The following XRRA1 variants were observed in gnomAD, a reference collection of about 807,000 sequenced individuals.
XRRA1 encodes X-ray radiation resistance associated 1, also known as X-ray radiation resistance-associated protein 1.
In XRRA1, 69 loss-of-function variants were observed where a neutral mutation model predicts 80.2. That is an observed-to-expected ratio of 0.86 (90% CI 0.71 to 1.05). XRRA1 has a LOEUF of 1.05. Ranked by LOEUF, XRRA1 falls within the 50% of genes least tolerant of loss-of-function variation. The pLI, the probability that XRRA1 is intolerant of heterozygous loss-of-function variation, is 0.00. For synonymous variants in XRRA1, 348 were observed against 389.9 expected (o/e 0.89, Z 1.27); for missense variants, 967 against 976.4 (o/e 0.99, Z 0.13).
Position 74,939,368 on chromosome 11 carries a change from G to T in XRRA1, c.94+1417C>A, listed in dbSNP as rs564049062. Among the ~76,000 whole-genome samples, 14 of 152,112 alleles carry T rather than the reference G, an allele frequency of 9.2e-5. No homozygotes were observed. In the South Asian group the frequency reaches 2.9e-3, roughly 32 times the overall value. ...CTCCATCTCAAAAAAAGAAAAGAAA[G>T]AGCTATTTTGTTTCCCCCCACATAT... On this transcript the variant is annotated intron_variant, in intron 3 of 18. Transcript: ENST00000684022.
intron 8 of XRRA1, among the ~76,000 whole-genome samples, chr11:74,920,806 G>C (rs1033420546): frequency 7.9e-5 from 12 of 152,200 alleles, no homozygotes; most frequent in African/African-American, 2.9e-4. Flanking sequence ...CTGGCACATT[G>C]TAAGTACTAC....
chr11:74,859,967 T>A (rs887725228), intron 11 of XRRA1, among the ~76,000 whole-genome samples: 7 of 152,090 alleles, frequency 4.6e-5, no homozygotes, highest in African/African-American at 1.7e-4. Flanking sequence ...TATACATAAC[T>A]CAGTACACTC....
intron 10 of XRRA1, among the ~76,000 whole-genome samples, chr11:74,882,745 G>A (rs2136806020): frequency 6.6e-6 from 1 of 151,890 alleles, no homozygotes; most frequent in East Asian, 1.9e-4. Flanking sequence ...ACCCTCAGCT[G>A]CAGGTCTGTT....
intron 10 of XRRA1, among the ~76,000 whole-genome samples, chr11:74,889,175 A>C (rs2049954595): frequency 6.6e-6 from 1 of 152,198 alleles, no homozygotes; most frequent in South Asian, 2.1e-4. Flanking sequence ...TTACCCTCAA[A>C]GGGAAGCCCA....
chr11:74,910,051 A>G (rs1298679969), intron 8 of XRRA1: 1 of 152,244 alleles, frequency 6.6e-6, no homozygotes, highest in East Asian at 1.9e-4. Flanking sequence ...TTTACACTGT[A>G]AGACTTTCGA....
chr11:74,906,143 A>G (rs2054532644), intron 10 of XRRA1, 96 bp downstream of exon 10: 1 of 1,158,896 alleles, frequency 8.6e-7, no homozygotes, highest in African/African-American at 1.5e-5. Context: ...TCAATTCGTG[A>G]TATTCACCAT....
At position 74,925,364 on chromosome 11, in the gene XRRA1, TG is replaced by T. The variant is rs547562851; in HGVS notation, c.522+2026del. ...TTATTCTACTCTGGGCTTTTCCTCC[TG>T]GGGCAGCCTTTTTGGCAAACAAGAA... On this transcript the variant is annotated intron_variant, in intron 7 of 18. Coordinates refer to ENST00000684022, the MANE Select transcript of XRRA1 (RefSeq NM_001378157.1). 3.6e-3 allele frequency among the ~76,000 whole-genome samples: 554 copies of T among 151,868 alleles called. 1 individual carries two copies. The highest frequency in any genetic ancestry group is 6.6e-3 in the Non-Finnish European group (446 of 68,022).
chr11:74,843,948 G>A lies in XRRA1; in HGVS notation c.2055C>T (p.Ile685=). 6.2e-7 allele frequency: 1 copy of A among 1,613,530 alleles called. No homozygotes were observed. The highest frequency in any genetic ancestry group is 8.5e-7 in the Non-Finnish European group (1 of 1,179,672). The change falls in exon 18 of 19, where the codon ATC becomes ATT. Residue 685 remains isoleucine, a synonymous_variant. Coordinates refer to ENST00000684022, the MANE Select transcript of XRRA1 (RefSeq NM_001378157.1). ...YVHKEKRAQR[I]PIPPPKKTRA... is the part of the protein sequence containing the mutation. ...TAGTCTTCTTTGGGGGTGGAATCGG[G>A]ATTCTCTGGGCCTGGCAGAAGGTCA...
At chr11:74,886,419 C>T (rs2049031537) in intron 10 of XRRA1, among the ~76,000 whole-genome samples, 1 of 152,074 alleles carries the variant, frequency 6.6e-6, no homozygotes, top group African/African-American at 2.4e-5. Context: ...ACACCAACAA[C>T]CTCCAAACTG....
At chr11:74,882,550 T>G (rs1241194261) in intron 10 of XRRA1, among the ~76,000 whole-genome samples, 2 of 152,230 alleles carry the variant, frequency 1.3e-5, no homozygotes, top group African/African-American at 4.8e-5. Flanking sequence ...CCGTTGCTGG[T>G]GAGGAACTGC....
At chr11:74,864,978 G>A (rs1449893792) in intron 10 of XRRA1, among the ~76,000 whole-genome samples, 1 of 152,092 alleles carries the variant, frequency 6.6e-6, no homozygotes, top group Non-Finnish European at 1.5e-5. Flanking sequence ...CTGAGCCAAT[G>A]AGGCTGGGCT....
At chr11:74,903,128 TTG>T (rs1215498115) in intron 10 of XRRA1, among the ~76,000 whole-genome samples, 1 of 152,244 alleles carries the variant, frequency 6.6e-6, no homozygotes, top group African/African-American at 2.4e-5. Context: ...TATGTACTAC[TTG>T]TGTGAGTGTA....
intron 11 of XRRA1, among the ~76,000 whole-genome samples, chr11:74,862,556 A>G (rs894055716): frequency 6.6e-6 from 1 of 152,246 alleles, no homozygotes; most frequent in Non-Finnish European, 1.5e-5. Flanking sequence ...TGTGACATCA[A>G]CGATTAGGTC....
chr11:74,844,757 T>G (rs545193485), intron 16 of XRRA1, among the ~76,000 whole-genome samples: 43 of 152,322 alleles, frequency 2.8e-4, no homozygotes, highest in Admixed American at 1.5e-3. Context: ...ATCTGGCCAT[T>G]CTGGGTGTTC....
At chr11:74,939,578 C>T (rs986388014) in intron 3 of XRRA1, among the ~76,000 whole-genome samples, 32 of 152,116 alleles carry the variant, frequency 2.1e-4, no homozygotes, top group Non-Finnish European at 7.4e-5. Flanking sequence ...ACTTCTGGCA[C>T]CATAAGATAC....
At chr11:74,917,952 A>G (rs1324600102) in intron 8 of XRRA1, among the ~76,000 whole-genome samples, 1 of 142,880 alleles carries the variant, frequency 7.0e-6, no homozygotes, top group Non-Finnish European at 1.5e-5. Context: ...AAAAATAAAT[A>G]TAATTGCTGT....
At chr11:74,862,612 C>T (rs887065869) in intron 11 of XRRA1, among the ~76,000 whole-genome samples, 1 of 152,202 alleles carries the variant, frequency 6.6e-6, no homozygotes, top group Non-Finnish European at 1.5e-5. Context: ...CTTTGGGGGA[C>T]TCTTGTTAAG....
intron 10 of XRRA1, among the ~76,000 whole-genome samples, chr11:74,888,652 A>G (rs1241077183): frequency 6.6e-6 from 1 of 152,238 alleles, no homozygotes; most frequent in African/African-American, 2.4e-5. Flanking sequence ...CCCATGGCAA[A>G]GAAGTTAAAA....
At chr11:74,892,007 C>G (rs1403619838) in intron 10 of XRRA1, among the ~76,000 whole-genome samples, 1 of 152,170 alleles carries the variant, frequency 6.6e-6, no homozygotes. Context: ...TCAATGCCAT[C>G]TGCATCAAGC....
Sources: allele counts gnomAD v4.1 joint callset (sites outside exome capture counted in the v4.1 genomes callset), GRCh38; gene constraint gnomAD v4.1.1; transcripts MANE v1.5; gene names NCBI Gene and HGNC (gene_info 2026-07-23, HGNC 2026-07-21).